Variants in CSMD1 observed in about 807,000 individuals in gnomAD.
CSMD1 encodes CUB and Sushi multiple domains 1.
CSMD1 carries 213 observed loss-of-function variants against 417.5 expected under a neutral mutation model. The observed-to-expected ratio is 0.51, with a 90% CI of 0.46 to 0.57. The LOEUF is 0.57. CSMD1 is among the 20% of genes least tolerant of loss of function. The pLI, the probability that CSMD1 is intolerant of heterozygous loss-of-function variation, is 0.00. For missense variants in CSMD1, 6,923 were observed against 4,529.7 expected, an observed-to-expected ratio of 1.53 and a Z score of -15.17; for synonymous variants, 2,862 against 1,736.8, an observed-to-expected ratio of 1.65 and a Z score of -16.11.
rs11783411 is a variant in CSMD1 at position 3,397,126 on chromosome 8, C to A, written c.2406-745G>T. ...TGCAATGTAGGTACCACTCCAGGCACGGAGATAATTTTCTAAGTGGGCCTA... is the reference window on the plus strand; with the variant it reads ...TGCAATGTAGGTACCACTCCAGGCAAGGAGATAATTTTCTAAGTGGGCCTA... On this transcript the variant is annotated intron_variant, in intron 16 of 69. Transcript: ENST00000635120. Among the ~76,000 whole-genome samples, 397 of 152,216 alleles carry A rather than the reference C, an allele frequency of 2.6e-3. 1 individual carries two copies. The highest frequency in any genetic ancestry group is 0.01 in the Middle Eastern group (3 of 294).
At chr8:4,253,444 A>G (rs367651754) in intron 3 of CSMD1, among the ~76,000 whole-genome samples, 33 of 152,294 alleles carry the variant, frequency 2.2e-4, no homozygotes, top group African/African-American at 5.8e-4. Context: ...GCGGAACACC[A>G]TATCAGGACC....
At chr8:4,622,373 G>C (rs138606891) in intron 2 of CSMD1, among the ~76,000 whole-genome samples, 2 of 152,090 alleles carry the variant, frequency 1.3e-5, no homozygotes, top group Non-Finnish European at 2.9e-5. Flanking sequence ...CAGCACGAGT[G>C]CCAGCTAATG....
intron 4 of CSMD1, among the ~76,000 whole-genome samples, chr8:3,999,691 T>A (rs563628890): frequency 2.0e-5 from 3 of 152,314 alleles, no homozygotes; most frequent in African/African-American, 7.2e-5. Context: ...GGCATTCTCA[T>A]GCTGTTTATG....
intron 1 of CSMD1, among the ~76,000 whole-genome samples, chr8:4,690,977 G>T (rs13250044): frequency 0.69 from 104,399 of 152,114 alleles, 37,006 homozygotes; most frequent in African/African-American, 0.86. Flanking sequence ...TCTGCCTGCC[G>T]TGGCCTCCCA....
chr8:4,298,146 T>C (rs183278662), intron 3 of CSMD1, among the ~76,000 whole-genome samples: 29 of 152,308 alleles, frequency 1.9e-4, no homozygotes, highest in South Asian at 4.1e-4. Flanking sequence ...AAAAATGGTA[T>C]AGAAGAAAAG....
chr8:3,690,311 G>T (rs559615673), intron 7 of CSMD1, among the ~76,000 whole-genome samples: 1 of 152,204 alleles, frequency 6.6e-6, no homozygotes, highest in African/African-American at 2.4e-5. Flanking sequence ...ACCGAAGATC[G>T]CACCACTGCA....
intron 11 of CSMD1, among the ~76,000 whole-genome samples, chr8:3,471,908 C>T (rs1363747087): frequency 6.6e-6 from 1 of 152,154 alleles, no homozygotes; most frequent in Non-Finnish European, 1.5e-5. Flanking sequence ...ACACACATGG[C>T]ACTTGGTTCA....
chr8:3,586,396 G>C (rs563190511), intron 8 of CSMD1, 136 bp from the exon 9 acceptor site: 3 of 794,274 alleles, frequency 3.8e-6, no homozygotes, highest in Non-Finnish European at 5.7e-6. Flanking sequence ...CAACTCATTA[G>C]GTAGTATGTA....
intron 2 of CSMD1, among the ~76,000 whole-genome samples, chr8:4,484,995 A>G (rs994079743): frequency 3.6e-5 from 1 of 28,080 alleles, no homozygotes. Context: ...AAAAAAAAAA[A>G]AAAAAAAAAA....
rs901310509 is a variant in CSMD1, at chr8:3,475,723, A to G, written c.1449-6899T>C. Among the ~76,000 whole-genome samples the G allele has an allele frequency of 3.3e-5, 5 of 152,360 alleles. No homozygotes were observed. In the East Asian group the frequency reaches 9.6e-4, roughly 29 times the overall value. Reference sequence around the variant, plus strand: ...CAGTATCGATGTTGAACTGAAATCAACAGTGATTATTTCTCCAATTTCAAG... The same window carrying G: ...CAGTATCGATGTTGAACTGAAATCAGCAGTGATTATTTCTCCAATTTCAAG... On this transcript the variant is annotated intron_variant, in intron 11 of 69. Coordinates refer to ENST00000635120, the MANE Select transcript of CSMD1 (RefSeq NM_033225.6).
intron 5 of CSMD1, among the ~76,000 whole-genome samples, chr8:3,889,654 G>A (rs1163407118): frequency 2.0e-5 from 3 of 150,886 alleles, no homozygotes; most frequent in African/African-American, 7.3e-5. Context: ...ACTGGAAGTT[G>A]GTCCTATCTA....
At chr8:3,880,277 G>A (rs765671177) in intron 5 of CSMD1, among the ~76,000 whole-genome samples, 3 of 152,056 alleles carry the variant, frequency 2.0e-5, no homozygotes, top group African/African-American at 4.8e-5. Flanking sequence ...AAATTCTCTT[G>A]CTCTACATGC....
At chr8:3,178,379 T>C (rs1258051106) in intron 37 of CSMD1, among the ~76,000 whole-genome samples, 1 of 152,018 alleles carries the variant, frequency 6.6e-6, no homozygotes, top group East Asian at 1.9e-4. Flanking sequence ...ATCCTCAGTA[T>C]GGACTCACAA....
chr8:3,930,430 A>G (rs900084444), intron 5 of CSMD1, among the ~76,000 whole-genome samples: 1 of 150,690 alleles, frequency 6.6e-6, no homozygotes, highest in Non-Finnish European at 1.5e-5. Flanking sequence ...ATTAGGTCAA[A>G]GCCTGTTCTT....
At chr8:4,077,925 C>T (rs1275707445) in intron 3 of CSMD1, among the ~76,000 whole-genome samples, 1 of 152,100 alleles carries the variant, frequency 6.6e-6, no homozygotes, top group Non-Finnish European at 1.5e-5. Context: ...TTGCCATCAT[C>T]ACAAAATCCT....
At chr8:4,016,971 T>C (rs765420695) in intron 4 of CSMD1, among the ~76,000 whole-genome samples, 1 of 152,174 alleles carries the variant, frequency 6.6e-6, no homozygotes, top group Non-Finnish European at 1.5e-5. Context: ...ATCCCTAATG[T>C]CTAAAACCCT....
intron 3 of CSMD1, among the ~76,000 whole-genome samples, chr8:4,232,347 C>T (rs533802884): frequency 6.6e-6 from 1 of 152,024 alleles, no homozygotes; most frequent in Non-Finnish European, 1.5e-5. Context: ...TACAGGCACC[C>T]GCCATTAAGC....
intron 37 of CSMD1, among the ~76,000 whole-genome samples, chr8:3,179,663 G>C (rs1353973851): frequency 6.6e-6 from 1 of 152,146 alleles, no homozygotes; most frequent in Non-Finnish European, 1.5e-5. Flanking sequence ...ATAACTTTGA[G>C]AATGATAAGA....
chr8:4,437,162 C>T (rs977658725), intron 2 of CSMD1, among the ~76,000 whole-genome samples: 1 of 152,152 alleles, frequency 6.6e-6, no homozygotes, highest in Non-Finnish European at 1.5e-5. Context: ...CAAATCCAAT[C>T]CAACAAAACA....
Sources: allele counts gnomAD v4.1 joint callset (sites outside exome capture counted in the v4.1 genomes callset), GRCh38; gene constraint gnomAD v4.1.1; transcripts MANE v1.5; gene names NCBI Gene and HGNC (gene_info 2026-07-23, HGNC 2026-07-21).